OR1J2: variants seen among roughly 807,000 people sequenced by gnomAD.
OR1J2 encodes the protein olfactory receptor family 1 subfamily J member 2, also known as olfactory receptor 1J2.
For synonymous variants in OR1J2, 142 were observed against 99.7 expected, an observed-to-expected ratio of 1.42 and a Z score of -2.52; for missense variants, 304 against 246.1, an observed-to-expected ratio of 1.24 and a Z score of -1.57.
At chr9:122,486,842 T>C in the OR1J2 span, among the ~76,000 whole-genome samples, 6 of 152,228 alleles carry the variant, frequency 3.9e-5, no homozygotes, top group African/African-American at 9.6e-5. Context: ...CAGCAGAGCA[T>C]TGATGGAAAA....
the OR1J2 span, chr9:122,520,124 TC>T: frequency 7.1e-7 from 1 of 1,415,338 alleles, no homozygotes; most frequent in East Asian, 2.3e-5. Context: ...CTGACCTATT[TC>T]CAGATCATAG....
chr9:122,564,644 A>G, the OR1J2 span, among the ~76,000 whole-genome samples: 1 of 152,186 alleles, frequency 6.6e-6, no homozygotes, highest in Non-Finnish European at 1.5e-5. Flanking sequence ...CATAAGCTTC[A>G]CCAAGCAGTG....
At chr9:122,529,588 C>G in the OR1J2 span, among the ~76,000 whole-genome samples, 1 of 152,198 alleles carries the variant, frequency 6.6e-6, no homozygotes, top group South Asian at 2.1e-4. Context: ...CTCAAGCACT[C>G]TGCACCATCT....
chr9:122,497,046 C>T, the OR1J2 span, among the ~76,000 whole-genome samples: 1 of 152,116 alleles, frequency 6.6e-6, no homozygotes, highest in African/African-American at 2.4e-5. Context: ...TCTCCTTCCC[C>T]CCTGTACATC....
At chr9:122,571,283 G>A in the OR1J2 span, among the ~76,000 whole-genome samples, 1 of 152,126 alleles carries the variant, frequency 6.6e-6, no homozygotes, top group Non-Finnish European at 1.5e-5. Context: ...CGGGCGCGGT[G>A]GCTCACACCT....
At chr9:122,554,403 T>A in the OR1J2 span, among the ~76,000 whole-genome samples, 1 of 152,118 alleles carries the variant, frequency 6.6e-6, no homozygotes, top group African/African-American at 2.4e-5. Flanking sequence ...AAACTACTAT[T>A]CCTCCTCACA....
At chr9:122,484,966 C>T in the OR1J2 span, among the ~76,000 whole-genome samples, 4 of 151,964 alleles carry the variant, frequency 2.6e-5, no homozygotes, top group Non-Finnish European at 4.4e-5. Context: ...CTCGGGAGGT[C>T]GAGGCTGTGA....
chr9:122,541,939 A>G, the OR1J2 span, among the ~76,000 whole-genome samples: 8 of 152,328 alleles, frequency 5.3e-5, no homozygotes, highest in Admixed American at 5.2e-4. Flanking sequence ...CCCACAGATC[A>G]ATATACATAA....
chr9:122,477,290 A>C, the OR1J2 span: 2 of 1,614,206 alleles, frequency 1.2e-6, no homozygotes, highest in Non-Finnish European at 8.5e-7. Context: ...ACCAGGATGC[A>C]CAGGAATGGA....
chr9:122,520,956 C>T, the OR1J2 span, among the ~76,000 whole-genome samples: 8 of 152,152 alleles, frequency 5.3e-5, no homozygotes, highest in African/African-American at 1.9e-4. Context: ...ATAAACAGAA[C>T]TACAAATGCT....
At chr9:122,524,396 G>A in the OR1J2 span, among the ~76,000 whole-genome samples, 2 of 152,210 alleles carry the variant, frequency 1.3e-5, no homozygotes, top group Non-Finnish European at 2.9e-5. Flanking sequence ...ATCAAAGGAG[G>A]AATAAGTTTG....
the OR1J2 span, among the ~76,000 whole-genome samples, chr9:122,568,849 T>C: frequency 6.6e-6 from 1 of 152,074 alleles, no homozygotes. Context: ...TACCTTCTAG[T>C]TGGGGAGGTA....
chr9:122,524,289 G>C, the OR1J2 span, among the ~76,000 whole-genome samples: 1 of 152,218 alleles, frequency 6.6e-6, no homozygotes, highest in African/African-American at 2.4e-5. Context: ...ATCTAGGTTT[G>C]TGTAAGTGTA....
the OR1J2 span, among the ~76,000 whole-genome samples, chr9:122,551,298 C>T: frequency 3.2e-4 from 49 of 152,318 alleles, no homozygotes; most frequent in African/African-American, 1.1e-3. Context: ...CCACTCTCTC[C>T]ACTTAATAGA....
chr9:122,544,516 G>T, the OR1J2 span, among the ~76,000 whole-genome samples: 1 of 147,700 alleles, frequency 6.8e-6, no homozygotes, highest in South Asian at 2.1e-4. Flanking sequence ...CGCCTCCCAG[G>T]TTCAAGTGAT....
the OR1J2 span, among the ~76,000 whole-genome samples, chr9:122,548,599 A>G: frequency 6.6e-6 from 1 of 151,608 alleles, no homozygotes; most frequent in Non-Finnish European, 1.5e-5. Flanking sequence ...TTATATATAT[A>G]TATTTTTATT....
the OR1J2 span, among the ~76,000 whole-genome samples, chr9:122,493,344 C>T: frequency 0.63 from 96,459 of 151,920 alleles, 32,362 homozygotes; most frequent in African/African-American, 0.87. Context: ...GACTTTTCTT[C>T]GTTGGCATTT....
At chr9:122,513,103 A>G (rs893815622), downstream of OR1J2, among the ~76,000 whole-genome samples, 6 of 152,190 alleles carry the variant, frequency 3.9e-5, no homozygotes, top group Non-Finnish European at 8.8e-5. Flanking sequence ...TTCATTTGCC[A>G]TGTTTTTTGA....
Position 122,511,325 on chromosome 9 carries a change from C to G in OR1J2, c.524C>G (p.Pro175Arg). 4 of 728,108 alleles carry G rather than the reference C, an allele frequency of 5.5e-6. No individual in the cohort carries two copies. The highest frequency in any genetic ancestry group is 1.0e-5 in the Non-Finnish European group (4 of 393,560). The allele number at this position is 728,108 out of a possible 1,614,324, so 45.1% of individuals were successfully genotyped here. A position where few individuals can be genotyped will look rare whatever the true frequency, so the allele number is the denominator to read the frequency against. The change falls in exon 1 of 1, where the codon CCC (proline) becomes CGC (arginine). Residue 175 changes from proline to arginine, a missense_variant. Physicochemically the swap from Pro to Arg is moderately radical, Grantham distance 103. Transcript: ENST00000335302. ...RLSFCAANTI[P>R]HVFCDLAALL... is the part of the protein sequence containing the mutation. Reference sequence around the variant, plus strand: ...TCTTTCTGTGCTGCGAACACCATCCCCCATGTCTTCTGTGACCTTGCTGCC... The same window carrying G: ...TCTTTCTGTGCTGCGAACACCATCCGCCATGTCTTCTGTGACCTTGCTGCC...
Sources: gnomAD v4.1 joint callset for allele counts (sites outside exome capture counted in the v4.1 genomes callset) on GRCh38, gnomAD v4.1.1 for gene constraint, MANE v1.5 for transcripts, NCBI Gene and HGNC (gene_info 2026-07-23, HGNC 2026-07-21) for gene names.